Variants in PTPN4 observed in about 807,000 individuals in gnomAD.
The protein encoded by PTPN4 is protein tyrosine phosphatase non-receptor type 4, also known as tyrosine-protein phosphatase non-receptor type 4.
Under a neutral mutation model 135.5 loss-of-function variants are expected in PTPN4, and 49 were observed. The observed-to-expected ratio is 0.36, with a 90% CI of 0.29 to 0.46. PTPN4 has a LOEUF of 0.46. Ranked by LOEUF, PTPN4 falls within the 20% of genes least tolerant of loss-of-function variation. The pLI, the probability that PTPN4 is intolerant of heterozygous loss-of-function variation, is 1.00. For missense variants in PTPN4, 860 were observed against 1,101.0 expected (o/e 0.78, Z 3.10); for synonymous variants, 333 against 369.9 (o/e 0.90, Z 1.14).
In PTPN4 at chr2:119,981,374, T is replaced by C. The variant is rs1253114149; in HGVS notation, c.*4304T>C. 1 of 152,068 alleles carries C rather than the reference T, an allele frequency of 6.6e-6. No homozygotes were observed. The highest frequency in any genetic ancestry group is 1.5e-5 in the Non-Finnish European group (1 of 67,938). The allele number at this position is 152,068 out of a possible 1,614,324, so 9.4% of individuals were successfully genotyped here. ...ATTTGCTTCACCTATCTGACTACAA[T>C]TGCTGGAATCATTCTTTTTGTGGTG... On this transcript the variant is annotated 3_prime_UTR_variant, in exon 27 of 27. Transcript: ENST00000263708.
rs558572070 is a variant in PTPN4 at position 119,837,975 on chromosome 2, A to T, written c.139-24561A>T. On this transcript the variant is annotated intron_variant, in intron 2 of 26. Transcript: ENST00000263708. ...CACACCCCTCGCTGCTCCGCGCCTGACTCGCCCTTGGCAGGTGTGGAATCC... is the reference window on the plus strand; with the variant it reads ...CACACCCCTCGCTGCTCCGCGCCTGTCTCGCCCTTGGCAGGTGTGGAATCC... Among the ~76,000 whole-genome samples, 20 of 152,078 alleles carry T rather than the reference A, an allele frequency of 1.3e-4. 1 individual carries two copies. In the South Asian group the frequency reaches 4.0e-3, roughly 30 times the overall value.
At chr2:119,766,532 GC>G (rs1473097025) in intron 1 of PTPN4, among the ~76,000 whole-genome samples, 56 of 151,412 alleles carry the variant, frequency 3.7e-4, no homozygotes, top group Non-Finnish European at 6.6e-4. Flanking sequence ...TGGTGCCCTT[GC>G]GTTACTGGTG....
At chr2:119,765,795 A>C (rs892861119) in intron 1 of PTPN4, among the ~76,000 whole-genome samples, 3 of 152,230 alleles carry the variant, frequency 2.0e-5, no homozygotes, top group African/African-American at 7.2e-5. Flanking sequence ...AGAGAACAGC[A>C]TATAGAAAAA....
chr2:119,948,668 TAATC>T (rs1679169691), intron 18 of PTPN4, among the ~76,000 whole-genome samples: 2 of 152,066 alleles, frequency 1.3e-5, no homozygotes, highest in Non-Finnish European at 2.9e-5. Flanking sequence ...AAATGAAAAA[TAATC>T]AAAATGCTCA....
chr2:119,943,097 C>T (rs1679082957), intron 15 of PTPN4, among the ~76,000 whole-genome samples: 2 of 152,154 alleles, frequency 1.3e-5, no homozygotes, highest in Admixed American at 1.3e-4. Context: ...GCTTCTTTTG[C>T]AGTTATATTT....
intron 10 of PTPN4, among the ~76,000 whole-genome samples, chr2:119,914,500 GGATA>G (rs1678622992): frequency 6.6e-6 from 1 of 151,914 alleles, no homozygotes; most frequent in Admixed American, 6.6e-5. Flanking sequence ...AGAGCTTCTT[GGATA>G]GATAGGGCCA....
At chr2:119,851,438 C>T (rs1677589496) in intron 2 of PTPN4, among the ~76,000 whole-genome samples, 3 of 152,168 alleles carry the variant, frequency 2.0e-5, no homozygotes, top group Admixed American at 6.5e-5. Flanking sequence ...TCAAGTGCCA[C>T]GTTTAACTGT....
At chr2:119,950,326 A>G (rs1679194757) in intron 18 of PTPN4, among the ~76,000 whole-genome samples, 1 of 152,248 alleles carries the variant, frequency 6.6e-6, no homozygotes, top group African/African-American at 2.4e-5. Flanking sequence ...TCTGTCATCT[A>G]CTTCACTACA....
intron 9 of PTPN4, among the ~76,000 whole-genome samples, chr2:119,894,225 C>T (rs190598019): frequency 4.7e-4 from 72 of 152,260 alleles, no homozygotes; most frequent in African/African-American, 1.7e-3. Context: ...GAAGACTTTT[C>T]GACAGATCCA....
At chr2:119,912,610 C>G (rs1345390652) in intron 10 of PTPN4, among the ~76,000 whole-genome samples, 1 of 151,028 alleles carries the variant, frequency 6.6e-6, no homozygotes, top group Non-Finnish European at 1.5e-5. Flanking sequence ...GGACAAGTAG[C>G]AAAAAAAATT....
At chr2:119,820,325 AT>A (rs1009572418) in intron 2 of PTPN4, among the ~76,000 whole-genome samples, 5 of 152,210 alleles carry the variant, frequency 3.3e-5, no homozygotes, top group African/African-American at 1.2e-4. Context: ...GAAAGGATGT[AT>A]GACATAGCTC....
intron 2 of PTPN4, among the ~76,000 whole-genome samples, chr2:119,835,714 AT>A (rs1271484515): frequency 6.6e-6 from 1 of 152,042 alleles, no homozygotes; most frequent in Non-Finnish European, 1.5e-5. Context: ...TTAAATAATT[AT>A]GTTTTTTCTT....
rs141134189 is a variant in PTPN4 at position 119,848,789 on chromosome 2, C to T, written c.139-13747C>T. Among the ~76,000 whole-genome samples the T allele has an allele frequency of 7.6e-3, 1,149 of 151,878 alleles. 8 individuals carry two copies. Among genetic ancestry groups the T allele is most frequent in the Non-Finnish European group, 0.012 (806 of 67,950 alleles). ...CTAGTTTTTGTATTTTTAGTAGAGACGGGGTTTCACAATGTTGGTCAGGCT... is the reference window on the plus strand; with the variant it reads ...CTAGTTTTTGTATTTTTAGTAGAGATGGGGTTTCACAATGTTGGTCAGGCT... On this transcript the variant is annotated intron_variant, in intron 2 of 26. Coordinates refer to ENST00000263708, the MANE Select transcript of PTPN4 (RefSeq NM_002830.4).
chr2:119,886,025 T>C, intron 9 of PTPN4, 143 bp downstream of exon 9: 2 of 543,876 alleles, frequency 3.7e-6, no homozygotes, highest in East Asian at 6.2e-5. Flanking sequence ...AATTTAAGTA[T>C]TTTCACAATA....
At chr2:119,936,351 T>C (rs1678983831) in intron 15 of PTPN4, among the ~76,000 whole-genome samples, 1 of 152,160 alleles carries the variant, frequency 6.6e-6, no homozygotes, top group African/African-American at 2.4e-5. Context: ...CTTGCTGATA[T>C]GGTTTGGCTC....
intron 2 of PTPN4, among the ~76,000 whole-genome samples, chr2:119,846,646 T>C (rs2104975864): frequency 1.3e-5 from 2 of 152,208 alleles, no homozygotes; most frequent in East Asian, 3.9e-4. Flanking sequence ...TTTATATTTG[T>C]ACTATTTTAC....
intron 10 of PTPN4, among the ~76,000 whole-genome samples, chr2:119,914,248 A>ATTTTTTTTTTTTTTTTTTTTTTTTTTTTT (rs55911315): frequency 1.0e-5 from 1 of 97,428 alleles, no homozygotes; most frequent in African/African-American, 5.9e-5. Context: ...TAGTTACTCA[A>ATTTTTTTTTTTTTTTTTTTTTTTTTTTTT]TTTTTTTTTT....
At chr2:119,975,497 G>T (rs1350962125) in intron 26 of PTPN4, among the ~76,000 whole-genome samples, 4 of 152,214 alleles carry the variant, frequency 2.6e-5, no homozygotes, top group African/African-American at 9.6e-5. Flanking sequence ...GCCATTGCAG[G>T]TGGGGATCAC....
chr2:119,813,780 C>T (rs796409066), intron 2 of PTPN4, among the ~76,000 whole-genome samples: 3 of 152,252 alleles, frequency 2.0e-5, no homozygotes, highest in African/African-American at 7.2e-5. Context: ...TACAGTCTGC[C>T]AATATGGCAT....
Sources: allele counts gnomAD v4.1 joint callset (sites outside exome capture counted in the v4.1 genomes callset), GRCh38; gene constraint gnomAD v4.1.1; transcripts MANE v1.5; gene names NCBI Gene and HGNC (gene_info 2026-07-23, HGNC 2026-07-21).